The following NCOA2 variants were observed in gnomAD, a reference collection of about 807,000 sequenced individuals.
The protein encoded by NCOA2 is nuclear receptor coactivator 2.
A neutral mutation model predicts 145.1 loss-of-function variants in NCOA2; 21 were observed. The ratio of observed to expected loss-of-function variants is 0.14; its 90% CI spans 0.10 to 0.21. The LOEUF (loss-of-function observed/expected upper bound fraction) is 0.21, where lower values mean the gene tolerates loss of function less well. Among genes scored for constraint, NCOA2 ranks in the 10% least tolerant of loss-of-function variants. The pLI, the probability that NCOA2 is intolerant of heterozygous loss-of-function variation, is 1.00. For missense variants in NCOA2, 1,472 were observed against 1,837.6 expected, an observed-to-expected ratio of 0.80 and a Z score of 3.64; for synonymous variants, 619 against 637.5, an observed-to-expected ratio of 0.97 and a Z score of 0.44.
At chr8:70,194,506 A>G (rs1817056934) in intron 4 of NCOA2, among the ~76,000 whole-genome samples, 1 of 152,204 alleles carries the variant, frequency 6.6e-6, no homozygotes, top group Non-Finnish European at 1.5e-5. Flanking sequence ...GACAGATCTT[A>G]TGATGGACAA....
At chr8:70,227,221 A>G (rs1348958183) in intron 2 of NCOA2, among the ~76,000 whole-genome samples, 2 of 152,004 alleles carry the variant, frequency 1.3e-5, no homozygotes, top group Non-Finnish European at 2.9e-5. Flanking sequence ...CCTTTTGTCC[A>G]CTGTCACTCA....
At chr8:70,271,782 C>CAG (rs1825066667) in intron 2 of NCOA2, among the ~76,000 whole-genome samples, 1 of 152,220 alleles carries the variant, frequency 6.6e-6, no homozygotes, top group Non-Finnish European at 1.5e-5. Flanking sequence ...TTGCTTCTGA[C>CAG]AGCTTGTGCC....
At chr8:70,239,188 G>A (rs1475351795) in intron 2 of NCOA2, among the ~76,000 whole-genome samples, 1 of 152,122 alleles carries the variant, frequency 6.6e-6, no homozygotes, top group Non-Finnish European at 1.5e-5. Context: ...ATATCTGGAG[G>A]TGATGGGAGA....
At chr8:70,387,038 G>A (rs1237424045) in intron 1 of NCOA2, among the ~76,000 whole-genome samples, 2 of 152,164 alleles carry the variant, frequency 1.3e-5, no homozygotes, top group Non-Finnish European at 1.5e-5. Context: ...AGCCTCCCAA[G>A]TAGCTGGGTT....
At chr8:70,408,246 A>G (rs929817528), upstream of NCOA2, among the ~76,000 whole-genome samples, 1 of 152,200 alleles carries the variant, frequency 6.6e-6, no homozygotes, top group African/African-American at 2.4e-5. Context: ...AACCAAACTT[A>G]TTCACTAATG....
At chr8:70,329,931 G>C (rs777034088) in intron 1 of NCOA2, among the ~76,000 whole-genome samples, 2 of 152,056 alleles carry the variant, frequency 1.3e-5, no homozygotes, top group Non-Finnish European at 2.9e-5. Context: ...GGTTATCTCT[G>C]GGGAAATACT....
intron 1 of NCOA2, among the ~76,000 whole-genome samples, chr8:70,311,159 A>AT (rs962252625): frequency 2.8e-4 from 42 of 151,150 alleles, no homozygotes; most frequent in African/African-American, 9.5e-4. Context: ...AAGCAATCCT[A>AT]TTTTTTTATC....
intron 1 of NCOA2, among the ~76,000 whole-genome samples, chr8:70,360,376 C>T (rs1810093200): frequency 6.6e-6 from 1 of 151,920 alleles, no homozygotes; most frequent in African/African-American, 2.4e-5. Flanking sequence ...TAGTGAAGTC[C>T]CAAGACAAAA....
At chr8:70,116,050 G>A (rs1030453927) in intron 22 of NCOA2, among the ~76,000 whole-genome samples, 2 of 151,994 alleles carry the variant, frequency 1.3e-5, no homozygotes, top group African/African-American at 2.4e-5. Context: ...AGCCGGGCGT[G>A]GTGGAGGGTG....
chr8:70,134,964 T>G (rs1809563570), intron 15 of NCOA2, among the ~76,000 whole-genome samples: 2 of 152,028 alleles, frequency 1.3e-5, no homozygotes, highest in Admixed American at 6.6e-5. Flanking sequence ...CAAAGCACAC[T>G]TTACAGAGCA....
In NCOA2 at chr8:70,153,324, TTA is replaced by T. The variant is rs571149163; in HGVS notation, c.2394+2645_2394+2646del. On this transcript the variant is annotated intron_variant, in intron 11 of 22. Transcript: ENST00000452400. ...ATCTGTGCTGATTACACTCTGGACT[TTA>T]TGTTTCCTAGGTGAGACAATTTTTA... Among the ~76,000 whole-genome samples the T allele has an allele frequency of 5.8e-3, 881 of 152,352 alleles. 9 individuals are homozygous for T. Among genetic ancestry groups the T allele is most frequent in the Middle Eastern group, 0.024 (7 of 294 alleles).
At chr8:70,336,567 A>C (rs1429001948) in intron 1 of NCOA2, among the ~76,000 whole-genome samples, 1 of 152,002 alleles carries the variant, frequency 6.6e-6, no homozygotes, top group African/African-American at 2.4e-5. Context: ...GTGAAGGGGA[A>C]GCAAGGCACA....
chr8:70,446,987 A>G, the NCOA2 span, among the ~76,000 whole-genome samples: 1 of 152,222 alleles, frequency 6.6e-6, no homozygotes, highest in African/African-American at 2.4e-5. Flanking sequence ...CACCAAATCA[A>G]AATTTCAGTT....
intron 1 of NCOA2, among the ~76,000 whole-genome samples, chr8:70,353,163 G>C (rs973880981): frequency 1.3e-5 from 2 of 151,976 alleles, no homozygotes; most frequent in Admixed American, 6.6e-5. Context: ...ATAGCACAGT[G>C]ACAGTCTATC....
chr8:70,308,436 T>G (rs1232432441), intron 1 of NCOA2, among the ~76,000 whole-genome samples: 1 of 151,600 alleles, frequency 6.6e-6, no homozygotes, highest in Non-Finnish European at 1.5e-5. Flanking sequence ...TGAAATGAGG[T>G]GTGTGTGTGT....
rs368018333 is a variant in NCOA2, at chr8:70,128,936, G to A, written c.3369C>T (p.Asn1123=). The A allele has an allele frequency of 6.8e-6, 11 of 1,610,310 alleles. No homozygotes were observed. The African/African-American group carries it at 1.3e-4, about 20-fold the overall frequency. ...DPEQFSSQDS[N]IMLEQKAPVF... ...CGGGCGCCTTCTGCTCCAGCATGAT[G>A]TTGGAATCCTGACTTGAGAACTGTT... Residue 1123 remains asparagine (N), a synonymous_variant, in exon 17 of 23, where the codon AAC becomes AAT. Coordinates refer to ENST00000452400, the MANE Select transcript of NCOA2 (RefSeq NM_006540.4).
At chr8:70,291,968 C>CG in intron 2 of NCOA2, among the ~76,000 whole-genome samples, 1 of 149,614 alleles carries the variant, frequency 6.7e-6, no homozygotes, top group Admixed American at 6.7e-5. Flanking sequence ...CCCAGCTACT[C>CG]GGGGGCTGAG....
chr8:70,392,705 C>T (rs1221445336), intron 1 of NCOA2, among the ~76,000 whole-genome samples: 1 of 152,076 alleles, frequency 6.6e-6, no homozygotes, highest in Non-Finnish European at 1.5e-5. Flanking sequence ...ACTGAATTTC[C>T]CCAAGGTTTT....
At position 70,166,706 on chromosome 8, in the gene NCOA2, G is replaced by T; in HGVS notation, c.590C>A (p.Thr197Asn). ...SGEPPRRNSH[T>N]FNCRMLVKPL... is the part of the protein sequence containing the mutation. ...TTTTACCAGCATCCGACAATTGAAGGTATGGCTGTTCCGCCTCGGAGGTTC... is the reference window on the plus strand; with the variant it reads ...TTTTACCAGCATCCGACAATTGAAGTTATGGCTGTTCCGCCTCGGAGGTTC... Residue 197 changes from threonine to asparagine, a missense_variant, in exon 7 of 23, where the codon ACC (threonine) becomes AAC (asparagine). Transcript: ENST00000452400. 1 of 1,613,990 alleles carries T rather than the reference G, an allele frequency of 6.2e-7. No homozygotes were observed. Among genetic ancestry groups the T allele is most frequent in the Non-Finnish European group, 8.5e-7 (1 of 1,179,874 alleles).
Sources: allele counts gnomAD v4.1 joint callset (sites outside exome capture counted in the v4.1 genomes callset), GRCh38; gene constraint gnomAD v4.1.1; transcripts MANE v1.5; gene names NCBI Gene and HGNC (gene_info 2026-07-23, HGNC 2026-07-21).